Variants in DDAH1 observed in about 807,000 individuals in gnomAD.
DDAH1 encodes dimethylarginine dimethylaminohydrolase 1, also known as N(G),N(G)-dimethylarginine dimethylaminohydrolase 1.
DDAH1 carries 19 observed loss-of-function variants against 28.8 expected under a neutral mutation model. The observed-to-expected ratio is 0.66, with a 90% CI of 0.46 to 0.97. The LOEUF (loss-of-function observed/expected upper bound fraction) is 0.97. Ranked by LOEUF, DDAH1 falls within the 50% of genes least tolerant of loss-of-function variation. The pLI is 0.00. For missense variants in DDAH1, 326 were observed against 375.9 expected (o/e 0.87, Z 1.10); for synonymous variants, 153 against 154.4 (o/e 0.99, Z 0.07).
chr1:85,325,373 A>G (rs1647318704), intron 4 of DDAH1, among the ~76,000 whole-genome samples: 1 of 152,136 alleles, frequency 6.6e-6, no homozygotes, highest in Admixed American at 6.5e-5. Flanking sequence ...GCGCGCACAC[A>G]CACACGCTTT....
intron 1 of DDAH1, among the ~76,000 whole-genome samples, chr1:85,387,588 G>T (rs952892668): frequency 2.0e-5 from 3 of 152,118 alleles, no homozygotes; most frequent in African/African-American, 7.2e-5. Flanking sequence ...CAGGAGTCTG[G>T]TCACAACCAA....
chr1:85,530,990 CAAAAAAAA>C (rs56149686), intron 1 of DDAH1, among the ~76,000 whole-genome samples: 9 of 43,634 alleles, frequency 2.1e-4, no homozygotes, highest in Non-Finnish European at 3.4e-4. Flanking sequence ...GACTCTGTCT[CAAAAAAAA>C]AAAAAAAAAA....
At chr1:85,436,119 T>G (rs1306891625) in intron 1 of DDAH1, among the ~76,000 whole-genome samples, 1 of 152,124 alleles carries the variant, frequency 6.6e-6, no homozygotes, top group Non-Finnish European at 1.5e-5. Flanking sequence ...CTGTTTTATA[T>G]TTTATTGCAT....
At chr1:85,490,281 T>C (rs1656344354) in intron 2 of DDAH1, among the ~76,000 whole-genome samples, 1 of 152,206 alleles carries the variant, frequency 6.6e-6, no homozygotes, top group African/African-American at 2.4e-5. Flanking sequence ...GTAATCAAGG[T>C]AACCTTGAAT....
intron 1 of DDAH1, among the ~76,000 whole-genome samples, chr1:85,504,110 C>A (rs1444432563): frequency 6.6e-6 from 1 of 152,154 alleles, no homozygotes; most frequent in Non-Finnish European, 1.5e-5. Flanking sequence ...TGTAGGGAAG[C>A]AAGAGCATAA....
At position 85,321,494 on chromosome 1, in the gene DDAH1, G is replaced by A; in HGVS notation, c.816C>T (p.Leu272=). 4 of 1,614,152 alleles carry A rather than the reference G, an allele frequency of 2.5e-6. No homozygotes were observed. Among genetic ancestry groups the A allele is most frequent in the Non-Finnish European group, 3.4e-6 (4 of 1,179,988 alleles). Residue 272 remains leucine, a synonymous_variant, in exon 6 of 6, where the codon CTC becomes CTT. Coordinates refer to ENST00000284031, the MANE Select transcript of DDAH1 (RefSeq NM_012137.4). ...MSELEKVDGL[L]TCCSVLINKK... is the part of the protein sequence containing the mutation. ...TGTTAATTAAAACTGAGCAGCAGGTGAGCAGCCCATCCACCTTTTCCAGTT... is the reference window on the plus strand; with the variant it reads ...TGTTAATTAAAACTGAGCAGCAGGTAAGCAGCCCATCCACCTTTTCCAGTT...
At position 85,321,460 on chromosome 1, in the gene DDAH1, C is replaced by G; in HGVS notation, c.850G>C (p.Asp284His). Residue 284 changes from aspartate (D) to histidine (H), a missense_variant, in exon 6 of 6, where the codon GAC (aspartate) becomes CAC (histidine). By Grantham distance (81) the Asp-to-His change is moderately conservative. Transcript: ENST00000284031. ...CCSVLINKKV[D>H]S ...GGGGGGGACTCTGCAGCTCAGGAGT[C>G]TACTTTCTTGTTAATTAAAACTGAG... The G allele has an allele frequency of 1.2e-6, 2 of 1,612,808 alleles. No individual in the cohort carries two copies. The highest frequency in any genetic ancestry group is 8.5e-7 in the Non-Finnish European group (1 of 1,178,776).
intron 1 of DDAH1, among the ~76,000 whole-genome samples, chr1:85,540,960 T>TAA (rs140965112): frequency 0.04 from 4,223 of 106,582 alleles, 129 homozygotes; most frequent in East Asian, 0.091. Flanking sequence ...ACTCAGTATC[T>TAA]AAAAAAAAAA....
intron 1 of DDAH1, among the ~76,000 whole-genome samples, chr1:85,444,228 C>G (rs1654332237): frequency 6.6e-6 from 1 of 152,088 alleles, no homozygotes; most frequent in Non-Finnish European, 1.5e-5. Context: ...GCATGAAGGG[C>G]TGTTGAATTT....
At chr1:85,466,886 G>T (rs1655406094), upstream of DDAH1, among the ~76,000 whole-genome samples, 1 of 111,846 alleles carries the variant, frequency 8.9e-6, no homozygotes, top group South Asian at 2.8e-4. Context: ...TTCCCAGGCT[G>T]GAGTGCAATG....
intron 1 of DDAH1, among the ~76,000 whole-genome samples, chr1:85,455,233 G>T (rs1025621231): frequency 6.6e-6 from 1 of 151,960 alleles, no homozygotes; most frequent in Non-Finnish European, 1.5e-5. Flanking sequence ...CTGAAATGAT[G>T]GTTCCCTTAT....
chr1:85,520,304 C>T (rs1429928224), intron 1 of DDAH1, among the ~76,000 whole-genome samples: 7 of 152,164 alleles, frequency 4.6e-5, no homozygotes, highest in Non-Finnish European at 1.0e-4. Context: ...AAGAACTGTA[C>T]TTAGAAGTCA....
intron 1 of DDAH1, among the ~76,000 whole-genome samples, chr1:85,462,996 C>A (rs968748185): frequency 2.0e-5 from 3 of 152,200 alleles, no homozygotes; most frequent in African/African-American, 7.2e-5. Context: ...ACATCTATTA[C>A]AACAACTTTG....
At chr1:85,475,162 T>C (rs1655752671) in intron 2 of DDAH1, among the ~76,000 whole-genome samples, 4 of 152,204 alleles carry the variant, frequency 2.6e-5, no homozygotes, top group Admixed American at 2.6e-4. Context: ...CCTGGTCAAT[T>C]AACTTCACAT....
At chr1:85,342,166 G>A (rs1027727007) in intron 4 of DDAH1, among the ~76,000 whole-genome samples, 12 of 152,162 alleles carry the variant, frequency 7.9e-5, no homozygotes, top group Admixed American at 7.9e-4. Context: ...GAGCAAGAAT[G>A]ACAATCCATG....
At chr1:85,388,457 T>C (rs761907395) in intron 1 of DDAH1, among the ~76,000 whole-genome samples, 1 of 152,206 alleles carries the variant, frequency 6.6e-6, no homozygotes, top group Non-Finnish European at 1.5e-5. Context: ...AAAGTCATTA[T>C]ATAAAAATAA....
At chr1:85,404,489 A>G in intron 1 of DDAH1, 2 of 1,519,318 alleles carry the variant, frequency 1.3e-6, no homozygotes, top group Non-Finnish European at 1.8e-6. Context: ...GTTACTGAAG[A>G]ACAGTCTGAC....
intron 1 of DDAH1, among the ~76,000 whole-genome samples, chr1:85,550,747 A>ATG (rs543085024): frequency 6.6e-6 from 1 of 151,828 alleles, no homozygotes; most frequent in African/African-American, 2.4e-5. Context: ...TAATAATAAA[A>ATG]AACACACACA....
chr1:85,336,071 G>A (rs1177398575), intron 4 of DDAH1, among the ~76,000 whole-genome samples: 1 of 152,068 alleles, frequency 6.6e-6, no homozygotes, highest in Non-Finnish European at 1.5e-5. Context: ...ATAATAGCTA[G>A]GGACTTCAAC....
Sources: gnomAD v4.1 joint callset for allele counts (sites outside exome capture counted in the v4.1 genomes callset) on GRCh38, gnomAD v4.1.1 for gene constraint, MANE v1.5 for transcripts, NCBI Gene and HGNC (gene_info 2026-07-23, HGNC 2026-07-21) for gene names.